Variants in FLT4 observed in about 807,000 individuals in gnomAD.
FLT4 encodes the protein vascular endothelial growth factor receptor 3.
Under a neutral mutation model 163.2 loss-of-function variants are expected in FLT4, and 30 were observed. The ratio of observed to expected loss-of-function variants is 0.18; its 90% CI spans 0.14 to 0.25. The LOEUF is 0.25. Ranked by LOEUF, FLT4 falls within the 10% of genes least tolerant of loss-of-function variation. The pLI is 1.00. For synonymous variants in FLT4, 884 were observed against 789.5 expected (o/e 1.12, Z -2.01); for missense variants, 1,510 against 1,863.8 (o/e 0.81, Z 3.50).
chr5:180,625,363 C>T (rs1302015168), intron 10 of FLT4, among the ~76,000 whole-genome samples: 1 of 152,200 alleles, frequency 6.6e-6, no homozygotes, highest in Non-Finnish European at 1.5e-5. Context: ...CCTGGGAAAG[C>T]CGCCTCCCTT....
rs148126951 is a variant in FLT4 at position 180,630,783 on chromosome 5, C to T, written c.172G>A (p.Glu58Lys). 4.9e-5 allele frequency: 78 copies of T among 1,604,478 alleles called. No homozygotes were observed. The highest frequency in any genetic ancestry group is 1.3e-4 in the African/African-American group (10 of 74,868). The change falls in exon 3 of 30, where the codon GAG (glutamate) becomes AAG (lysine). Residue 58 changes from glutamate to lysine, a missense_variant. Transcript: ENST00000261937. The surrounding 1 kb of genome is among the most constrained non-coding windows in gnomAD (Gnocchi z 6.3). ...TCCTGAGCTCCTGGCCAAGCCCACT[C>T]GAGGGGGTGCTGTCCCCTGGCAGAG... Reference protein sequence around the residue: ...SISCRGQHPLEWAWPGAQEAP... With the variant: ...SISCRGQHPLKWAWPGAQEAP...
At chr5:180,614,561 C>T (rs973271987) in intron 23 of FLT4, among the ~76,000 whole-genome samples, 4 of 152,056 alleles carry the variant, frequency 2.6e-5, no homozygotes, top group African/African-American at 9.7e-5. Flanking sequence ...ACGCTCTGTC[C>T]ACTCACTGTC....
At chr5:180,605,619 C>T (rs1421057985) in intron 29 of FLT4, among the ~76,000 whole-genome samples, 1 of 152,218 alleles carries the variant, frequency 6.6e-6, no homozygotes. Flanking sequence ...CATTTCTTCA[C>T]TTAAAAGTGC....
In FLT4 at chr5:180,618,770, C is replaced by T. The variant is rs538210680; in HGVS notation, c.3001G>A (p.Ala1001Thr). The T allele has an allele frequency of 9.4e-6, 15 of 1,588,136 alleles. No individual in the cohort carries two copies. Among genetic ancestry groups the T allele is most frequent in the Middle Eastern group, 1.7e-4 (1 of 6,028 alleles). ...GARRASPDQE[A>T]EDLWLSPLTM... ...AAAAGGGAAGAGGCCAGGCTCTCAC[C>T]TTCTTGGTCTGGAGAAGCCCGCCTC... The change falls in exon 21 of 30, where the codon GCT becomes ACT. Residue 1001 changes from alanine (A) to threonine (T), a missense_variant and splice_region_variant. By Grantham distance (58) the Ala-to-Thr change is moderately conservative. Coordinates refer to ENST00000261937, the MANE Select transcript of FLT4 (RefSeq NM_182925.5).
chr5:180,630,634 G>T lies in FLT4; in HGVS notation c.321C>A (p.Gly107=). 1 of 1,613,180 alleles carries T rather than the reference G, an allele frequency of 6.2e-7. No individual in the cohort carries two copies. Among genetic ancestry groups the T allele is most frequent in the South Asian group, 1.1e-5 (1 of 91,084 alleles). ...LLHEVHANDT[G]SYVCYYKYIK... Reference sequence around the variant, plus strand: ...TGTACTTGTAGTAGCAGACGTAGCTGCCTGTGTCGTTGGCATGTACCTCGT... The same window carrying T: ...TGTACTTGTAGTAGCAGACGTAGCTTCCTGTGTCGTTGGCATGTACCTCGT... Residue 107 remains glycine, a synonymous_variant, in exon 3 of 30, where the codon GGC becomes GGA. Coordinates refer to ENST00000261937, the MANE Select transcript of FLT4 (RefSeq NM_182925.5). The surrounding 1 kb of genome is among the most constrained non-coding windows in gnomAD (Gnocchi z 6.3).
intron 1 of FLT4, among the ~76,000 whole-genome samples, 179 bp from the exon 2 acceptor site, chr5:180,631,957 C>T (rs892364903): frequency 6.6e-6 from 1 of 152,060 alleles, no homozygotes; most frequent in African/African-American, 2.4e-5. Context: ...GCACCAGCTC[C>T]CAGGCGCCAA....
At chr5:180,625,382 C>T (rs775273243) in intron 10 of FLT4, among the ~76,000 whole-genome samples, 2 of 152,212 alleles carry the variant, frequency 1.3e-5, no homozygotes, top group Admixed American at 1.3e-4. Context: ...TTCTCTGACC[C>T]TATTTCCCTG....
chr5:180,641,127 G>A (rs541473999), intron 1 of FLT4, among the ~76,000 whole-genome samples: 19 of 152,300 alleles, frequency 1.2e-4, no homozygotes, highest in East Asian at 9.6e-4. Context: ...CTCCCTGCCC[G>A]GTTGGGCTGT....
intron 1 of FLT4, among the ~76,000 whole-genome samples, chr5:180,643,011 C>T (rs1033421984): frequency 6.6e-6 from 1 of 152,206 alleles, no homozygotes; most frequent in Non-Finnish European, 1.5e-5. Flanking sequence ...CAGAGGTTAA[C>T]GCATTCCAAA....
Position 180,616,957 on chromosome 5 carries a change from A to C in FLT4, c.3039T>G (p.Asp1013Glu). Residue 1013 changes from aspartate to glutamate, a missense_variant, in exon 22 of 30, where the codon GAT (aspartate) becomes GAG (glutamate). Coordinates refer to ENST00000261937, the MANE Select transcript of FLT4 (RefSeq NM_182925.5). ...CCACCTGGAAGCTGTAGCAGACAAG[A>C]TCTTCCATGGTCAGCGGGCTCAGCC... is the stretch of plus-strand genomic sequence containing the variant. ...DLWLSPLTME[D>E]LVCYSFQVAR... 1 of 1,613,350 alleles carries C rather than the reference A, an allele frequency of 6.2e-7. No homozygotes were observed. Among genetic ancestry groups the C allele is most frequent in the Non-Finnish European group, 8.5e-7 (1 of 1,179,936 alleles).
At chr5:180,642,531 G>A (rs1278973121) in intron 1 of FLT4, among the ~76,000 whole-genome samples, 4 of 152,060 alleles carry the variant, frequency 2.6e-5, no homozygotes, top group South Asian at 2.1e-4. Flanking sequence ...AGCCGGCCTC[G>A]GGCCCTGTCC....
In FLT4 at chr5:180,649,573, C is replaced by G; in HGVS notation, c.-28G>C. On this transcript the variant is annotated 5_prime_UTR_variant, in exon 1 of 30. Coordinates refer to ENST00000261937, the MANE Select transcript of FLT4 (RefSeq NM_182925.5). Reference sequence around the variant, plus strand: ...CCGGCCGCTGCGCGTGGGTCCGACCCGAGCGGCCGCGGCTCGGGGCTGAAA... The same window carrying G: ...CCGGCCGCTGCGCGTGGGTCCGACCGGAGCGGCCGCGGCTCGGGGCTGAAA... 2 of 1,365,292 alleles carry G rather than the reference C, an allele frequency of 1.5e-6. No homozygotes were observed. Among genetic ancestry groups the G allele is most frequent in the Non-Finnish European group, 1.9e-6 (2 of 1,054,134 alleles). 84.6% of individuals were successfully genotyped at this position (1,365,292 alleles called of 1,614,324 possible).
intron 10 of FLT4, among the ~76,000 whole-genome samples, chr5:180,625,649 G>C (rs1246312301): frequency 1.3e-5 from 2 of 152,266 alleles, no homozygotes; most frequent in Non-Finnish European, 2.9e-5. Context: ...AGCTTGGCCA[G>C]CTGATGGAGG....
rs80261784 is a variant in FLT4, at chr5:180,613,740, T to C, written c.3331+328A>G. 2,794 of 428,342 alleles carry C rather than the reference T, an allele frequency of 6.5e-3. 80 individuals are homozygous for C. Among genetic ancestry groups the C allele is most frequent in the African/African-American group, 0.053 (2,617 of 49,824 alleles). 26.5% of individuals were successfully genotyped at this position (428,342 alleles called of 1,614,324 possible). On this transcript the variant is annotated intron_variant, in intron 24 of 29. Transcript: ENST00000261937. ...TCGCAGCGGGGCCTGAGTTCCCACA[T>C]GGAGCTCTTGGAGCTCTTGGAGTAG... is the stretch of plus-strand genomic sequence containing the variant.
chr5:180,642,067 T>C (rs1015815914), intron 1 of FLT4, among the ~76,000 whole-genome samples: 18 of 151,750 alleles, frequency 1.2e-4, no homozygotes, highest in South Asian at 2.1e-4. Flanking sequence ...ATTAGCCCAG[T>C]GTGGTGGCGG....
At chr5:180,606,009 C>G (rs1413291707) in intron 29 of FLT4, among the ~76,000 whole-genome samples, 1 of 152,172 alleles carries the variant, frequency 6.6e-6, no homozygotes, top group East Asian at 1.9e-4. Context: ...CCCCACACCC[C>G]ACCAAGGCAC....
Position 180,602,115 on chromosome 5 carries a change from G to A in FLT4, c.*1077C>T, listed in dbSNP as rs752904103. Reference sequence around the variant, plus strand: ...TGATGTCAGGCACAGGGCAGGAAAAGGCTGAAGGCAGGTCCCCAGAATGTC... The same window carrying A: ...TGATGTCAGGCACAGGGCAGGAAAAAGCTGAAGGCAGGTCCCCAGAATGTC... On this transcript the variant is annotated 3_prime_UTR_variant, in exon 30 of 30. Transcript: ENST00000261937. 9 of 233,686 alleles carry A rather than the reference G, an allele frequency of 3.9e-5. No homozygotes were observed. Among genetic ancestry groups the A allele is most frequent in the Non-Finnish European group, 7.6e-5 (9 of 118,454 alleles). 14.5% of individuals were successfully genotyped at this position (233,686 alleles called of 1,614,324 possible). A position where few individuals can be genotyped will look rare whatever the true frequency, so the allele number is the denominator to read the frequency against.
In FLT4 at chr5:180,606,642, C is replaced by T. The variant is rs372600751; in HGVS notation, c.3893+2326G>A. Among the ~76,000 whole-genome samples, 3 of 152,366 alleles carry T rather than the reference C, an allele frequency of 2.0e-5. No homozygotes were observed. In the South Asian group the frequency reaches 6.2e-4, roughly 32 times the overall value. On this transcript the variant is annotated intron_variant, in intron 29 of 29. Coordinates refer to ENST00000261937, the MANE Select transcript of FLT4 (RefSeq NM_182925.5). ...TTTACGTGGCGATCATTCTCTGTGA[C>T]ACCTTTTACTTAATTACCTTGTTTT...
chr5:180,638,152 C>G (rs754367480), intron 1 of FLT4, among the ~76,000 whole-genome samples: 1 of 152,228 alleles, frequency 6.6e-6, no homozygotes, highest in African/African-American at 2.4e-5. Flanking sequence ...TCTCTGGAGT[C>G]CAGACACCTC....
Sources: gnomAD v4.1 joint callset for allele counts (sites outside exome capture counted in the v4.1 genomes callset) on GRCh38, gnomAD v4.1.1 for gene constraint, Gnocchi (gnomAD v3.1) non-coding constraint, MANE v1.5 for transcripts, NCBI Gene and HGNC (gene_info 2026-07-23, HGNC 2026-07-21) for gene names.